The following HSD11B1 variants were observed in gnomAD, a reference collection of about 807,000 sequenced individuals.
HSD11B1 encodes the protein 11-beta-hydroxysteroid dehydrogenase 1.
In HSD11B1, 15 loss-of-function variants were observed where a neutral mutation model predicts 22.1. The observed-to-expected ratio is 0.68, with a 90% CI of 0.45 to 1.04. The LOEUF (loss-of-function observed/expected upper bound fraction) is 1.04, where lower values mean the gene tolerates loss of function less well. Ranked by LOEUF, HSD11B1 falls within the 50% of genes least tolerant of loss-of-function variation. The pLI, the probability that HSD11B1 is intolerant of heterozygous loss-of-function variation, is 0.00. For synonymous variants in HSD11B1, 122 were observed against 125.2 expected (o/e 0.97, Z 0.17); for missense variants, 281 against 357.6 (o/e 0.79, Z 1.73).
intron 1 of HSD11B1, among the ~76,000 whole-genome samples, chr1:209,696,967 A>AT (rs1353572549): frequency 6.6e-6 from 1 of 152,194 alleles, no homozygotes; most frequent in Non-Finnish European, 1.5e-5. Flanking sequence ...AAGATTCAGA[A>AT]TTTTTTGCAT....
chr1:209,694,683 A>C (rs2076780314), intron 1 of HSD11B1, among the ~76,000 whole-genome samples: 1 of 152,246 alleles, frequency 6.6e-6, no homozygotes, highest in African/African-American at 2.4e-5. Flanking sequence ...GATGGATTAG[A>C]GCCCAAGGGG....
chr1:209,728,835 C>G (rs775940397), intron 4 of HSD11B1, among the ~76,000 whole-genome samples: 7 of 152,206 alleles, frequency 4.6e-5, no homozygotes, highest in Non-Finnish European at 7.3e-5. Context: ...GACACTCCAA[C>G]AAAATTTTCT....
rs1319030183 is a variant in HSD11B1 at position 209,708,870 on chromosome 1, A to G, written c.517+1742A>G. Among the ~76,000 whole-genome samples, 3 of 152,214 alleles carry G rather than the reference A, an allele frequency of 2.0e-5. 1 individual carries two copies. The highest frequency in any genetic ancestry group is 2.1e-4 in the South Asian group (1 of 4,828). ...TGAATGACACTTGGTAATTTCCATGAACTCTGGGAGGTAGGAAATCTAGCT... is the reference window on the plus strand; with the variant it reads ...TGAATGACACTTGGTAATTTCCATGGACTCTGGGAGGTAGGAAATCTAGCT... On this transcript the variant is annotated intron_variant, in intron 4 of 5. Transcript: ENST00000367027.
At chr1:209,691,039 C>G (rs2076756814) in intron 1 of HSD11B1, among the ~76,000 whole-genome samples, 2 of 151,992 alleles carry the variant, frequency 1.3e-5, no homozygotes, top group African/African-American at 4.8e-5. Flanking sequence ...TGTTAGAACC[C>G]CAGGAATAAA....
chr1:209,712,801 A>G (rs946684674), intron 4 of HSD11B1, among the ~76,000 whole-genome samples: 3 of 152,226 alleles, frequency 2.0e-5, no homozygotes, highest in Non-Finnish European at 4.4e-5. Flanking sequence ...CTGTAATCCC[A>G]GCACTTTGGG....
intron 1 of HSD11B1, among the ~76,000 whole-genome samples, chr1:209,687,015 G>A (rs1177753041): frequency 6.6e-6 from 1 of 152,174 alleles, no homozygotes; most frequent in Non-Finnish European, 1.5e-5. Flanking sequence ...AGGAACTAGA[G>A]AAACCTGACA....
At chr1:209,697,167 T>C (rs2076796241) in intron 1 of HSD11B1, among the ~76,000 whole-genome samples, 1 of 152,220 alleles carries the variant, frequency 6.6e-6, no homozygotes, top group Admixed American at 6.5e-5. Context: ...TAACCCCACC[T>C]TGTAAAATTC....
rs901551092 is a variant in HSD11B1, at chr1:209,698,298, A to G, written c.-48-6597A>G. Among the ~76,000 whole-genome samples, 6 of 152,328 alleles carry G rather than the reference A, an allele frequency of 3.9e-5. No individual in the cohort carries two copies. In the East Asian group the frequency reaches 1.2e-3, roughly 29 times the overall value. On this transcript the variant is annotated intron_variant, in intron 1 of 6. Transcript: ENST00000261465. ...TCAGATTTAACTGTATTTGTCATTT[A>G]TCTGAAATTCAGATTTAACTGGGCA...
At chr1:209,695,830 T>C (rs979384363) in intron 1 of HSD11B1, among the ~76,000 whole-genome samples, 1 of 151,982 alleles carries the variant, frequency 6.6e-6, no homozygotes, top group Admixed American at 6.6e-5. Context: ...AAGTTAAACA[T>C]AAATTTACCA....
At chr1:209,731,770 G>A (rs939905894) in intron 4 of HSD11B1, among the ~76,000 whole-genome samples, 5 of 152,046 alleles carry the variant, frequency 3.3e-5, no homozygotes, top group African/African-American at 4.8e-5. Context: ...GCTGCAGTGC[G>A]GTGGCGCGAT....
At chr1:209,720,300 G>A (rs2076957392) in intron 4 of HSD11B1, among the ~76,000 whole-genome samples, 1 of 152,018 alleles carries the variant, frequency 6.6e-6, no homozygotes, top group East Asian at 1.9e-4. Flanking sequence ...AAGAACAAAA[G>A]TTACTTTTGT....
At chr1:209,692,714 C>T (rs957217493) in intron 1 of HSD11B1, among the ~76,000 whole-genome samples, 1 of 150,614 alleles carries the variant, frequency 6.6e-6, no homozygotes, top group African/African-American at 2.4e-5. Flanking sequence ...GGTTCAGGAG[C>T]CTGACTAAAG....
At chr1:209,688,621 C>A (rs780687959) in intron 1 of HSD11B1, among the ~76,000 whole-genome samples, 4 of 152,174 alleles carry the variant, frequency 2.6e-5, no homozygotes, top group Non-Finnish European at 4.4e-5. Flanking sequence ...TGTTTCCATG[C>A]TCTTGACTCT....
chr1:209,730,573 C>T (rs2077029502), intron 4 of HSD11B1, among the ~76,000 whole-genome samples: 1 of 152,072 alleles, frequency 6.6e-6, no homozygotes, highest in Non-Finnish European at 1.5e-5. Flanking sequence ...ACGTTGCTGT[C>T]CTGAACAAAA....
chr1:209,728,658 C>T (rs1324795905), intron 4 of HSD11B1, among the ~76,000 whole-genome samples: 1 of 152,172 alleles, frequency 6.6e-6, no homozygotes, highest in African/African-American at 2.4e-5. Context: ...TCAGTGTCCC[C>T]GTGATTCTCT....
At chr1:209,692,613 G>C (rs11119326) in intron 1 of HSD11B1, among the ~76,000 whole-genome samples, 1 of 71,082 alleles carries the variant, frequency 1.4e-5, no homozygotes, top group Non-Finnish European at 3.1e-5. Flanking sequence ...ATGGCGGGGG[G>C]GGGGGTGGGG....
chr1:209,711,343 G>A (rs2076893571), intron 4 of HSD11B1, among the ~76,000 whole-genome samples: 1 of 152,132 alleles, frequency 6.6e-6, no homozygotes, highest in Admixed American at 6.5e-5. Context: ...GGGGTGGGGG[G>A]ATCCCAAACT....
At chr1:209,703,920 C>T (rs369198117), upstream of HSD11B1, among the ~76,000 whole-genome samples, 2 of 152,170 alleles carry the variant, frequency 1.3e-5, no homozygotes, top group African/African-American at 2.4e-5. Flanking sequence ...ATTCGTGCTA[C>T]GGACATACTG....
chr1:209,731,310 A>T (rs2077034459), intron 4 of HSD11B1, among the ~76,000 whole-genome samples: 1 of 148,370 alleles, frequency 6.7e-6, no homozygotes, highest in South Asian at 2.1e-4. Context: ...CTGGCCACTT[A>T]AAAAAAAAAA....
Sources: gnomAD v4.1 joint callset for allele counts (sites outside exome capture counted in the v4.1 genomes callset) on GRCh38, gnomAD v4.1.1 for gene constraint, MANE v1.5 for transcripts, NCBI Gene and HGNC (gene_info 2026-07-23, HGNC 2026-07-21) for gene names.